CDK14: variants seen among roughly 807,000 people sequenced by gnomAD.
CDK14 encodes cyclin dependent kinase 14.
Under a neutral mutation model 60.7 loss-of-function variants are expected in CDK14, and 34 were observed. That is an observed-to-expected ratio of 0.56 (90% CI 0.43 to 0.75). CDK14 has a LOEUF of 0.75. Ranked by LOEUF, CDK14 falls within the 30% of genes least tolerant of loss-of-function variation. The pLI is 0.00. For missense variants in CDK14, 482 were observed against 564.1 expected (o/e 0.85, Z 1.47); for synonymous variants, 197 against 203.7 (o/e 0.97, Z 0.28).
intron 11 of CDK14, among the ~76,000 whole-genome samples, chr7:91,064,205 A>ATGTTTTTC (rs1562889290): frequency 6.6e-6 from 1 of 152,178 alleles, no homozygotes; most frequent in African/African-American, 2.4e-5. Context: ...GTTCTTATGC[A>ATGTTTTTC]TGTTTTTCGT....
chr7:91,060,659 A>G (rs1397792870), intron 11 of CDK14, among the ~76,000 whole-genome samples: 1 of 152,116 alleles, frequency 6.6e-6, no homozygotes, highest in Non-Finnish European at 1.5e-5. Flanking sequence ...TCACTTATGA[A>G]ACTTAGTTTG....
intron 2 of CDK14, among the ~76,000 whole-genome samples, chr7:90,708,831 T>G (rs1801961476): frequency 6.6e-6 from 1 of 152,178 alleles, no homozygotes; most frequent in Non-Finnish European, 1.5e-5. Context: ...CCTAAGGTAT[T>G]TCTCAGTTGT....
intron 9 of CDK14, among the ~76,000 whole-genome samples, chr7:90,972,966 C>T (rs2109371): frequency 0.091 from 13,916 of 152,140 alleles, 814 homozygotes; most frequent in East Asian, 0.18. Context: ...ATGTGGTTAG[C>T]ATACACATTA....
chr7:90,604,500 G>A (rs1799378464), intron 2 of CDK14, among the ~76,000 whole-genome samples: 1 of 152,214 alleles, frequency 6.6e-6, no homozygotes. Flanking sequence ...AGGCCTTTGT[G>A]TTGTTGCCTT....
intron 14 of CDK14, among the ~76,000 whole-genome samples, chr7:91,166,288 G>A (rs1384747592): frequency 2.0e-5 from 3 of 152,190 alleles, no homozygotes; most frequent in Admixed American, 1.3e-4. Context: ...GGCTCAGTGT[G>A]TCTTCTGTGA....
chr7:91,174,052 T>C (rs934889875), intron 14 of CDK14, among the ~76,000 whole-genome samples: 4 of 152,122 alleles, frequency 2.6e-5, no homozygotes, highest in African/African-American at 9.7e-5. Flanking sequence ...GACTTAAATG[T>C]CCCTGTATGA....
intron 10 of CDK14, among the ~76,000 whole-genome samples, chr7:91,033,123 G>A (rs575472418): frequency 2.0e-5 from 3 of 152,258 alleles, no homozygotes; most frequent in South Asian, 2.1e-4. Flanking sequence ...TAAAAGCATC[G>A]TGGATGAATT....
chr7:90,910,177 C>T (rs1242329282), intron 7 of CDK14, among the ~76,000 whole-genome samples: 1 of 152,140 alleles, frequency 6.6e-6, no homozygotes, highest in Non-Finnish European at 1.5e-5. Flanking sequence ...TTTTATATCT[C>T]TGTATAACCG....
At chr7:90,659,875 C>CTCTCTCTCTGTG (rs1235758434) in intron 2 of CDK14, among the ~76,000 whole-genome samples, 1 of 128,976 alleles carries the variant, frequency 7.8e-6, no homozygotes, top group African/African-American at 3.1e-5. Flanking sequence ...CTCTCTCTCT[C>CTCTCTCTCTGTG]TGTGTGTGTG....
At chr7:90,888,739 C>T (rs1792028445) in intron 6 of CDK14, among the ~76,000 whole-genome samples, 1 of 152,134 alleles carries the variant, frequency 6.6e-6, no homozygotes, top group African/African-American at 2.4e-5. Flanking sequence ...TTGTGTGGCC[C>T]ACTTTGTCAG....
At chr7:90,983,136 A>G (rs976986724) in intron 9 of CDK14, among the ~76,000 whole-genome samples, 1 of 152,248 alleles carries the variant, frequency 6.6e-6, no homozygotes, top group African/African-American at 2.4e-5. Flanking sequence ...CACCATGGAA[A>G]GCAGTTTGGA....
chr7:90,888,890 A>G (rs1299638097), intron 6 of CDK14, among the ~76,000 whole-genome samples: 1 of 152,212 alleles, frequency 6.6e-6, no homozygotes, highest in Non-Finnish European at 1.5e-5. Flanking sequence ...CTCCATGAAC[A>G]TTTGTTATAT....
chr7:91,107,372 T>C (rs932824529), intron 12 of CDK14: 2 of 152,246 alleles, frequency 1.3e-5, no homozygotes, highest in Admixed American at 1.3e-4. Context: ...CTAGTCAGTA[T>C]GACCTTAAAT....
At chr7:91,164,984 G>A (rs546637010) in intron 14 of CDK14, among the ~76,000 whole-genome samples, 6 of 152,280 alleles carry the variant, frequency 3.9e-5, no homozygotes, top group Admixed American at 2.6e-4. Context: ...AGATATTTTT[G>A]TTTAAAAGAC....
intron 10 of CDK14, among the ~76,000 whole-genome samples, chr7:91,029,161 G>C (rs1796685221): frequency 6.6e-6 from 1 of 152,082 alleles, no homozygotes; most frequent in South Asian, 2.1e-4. Context: ...TAGGGGTCCA[G>C]TTTTGTTCCT....
intron 11 of CDK14, among the ~76,000 whole-genome samples, chr7:91,058,633 A>T (rs570090670): frequency 1.1e-3 from 172 of 152,326 alleles, no homozygotes; most frequent in African/African-American, 3.8e-3. Flanking sequence ...AATTTTGTCA[A>T]AGGCTTTTTC....
At chr7:90,709,235 T>C in intron 2 of CDK14, 1 of 359,216 alleles carries the variant, frequency 2.8e-6, no homozygotes, top group Non-Finnish European at 5.0e-6. Context: ...ATGACAAATA[T>C]ATACACGTAG....
Position 90,899,280 on chromosome 7 carries a change from T to C in CDK14, c.640-11T>C. 6.3e-7 allele frequency: 1 copy of C among 1,595,112 alleles called. No individual in the cohort carries two copies. Among genetic ancestry groups the C allele is most frequent in the Non-Finnish European group, 8.5e-7 (1 of 1,171,088 alleles). On this transcript the variant is annotated splice_polypyrimidine_tract_variant and intron_variant, in intron 6 of 14. Transcript: ENST00000380050. ...GAGGGTTATTAATACATTTTTCCTT[T>C]TCTTTTCTAGCACACTGATTTATGT...
intron 4 of CDK14, among the ~76,000 whole-genome samples, chr7:90,781,070 T>C (rs1805297302): frequency 3.9e-5 from 6 of 152,084 alleles, no homozygotes; most frequent in Admixed American, 3.3e-4. Flanking sequence ...ACCTGTTGTT[T>C]CCTGACTTTT....
Sources: allele counts gnomAD v4.1 joint callset (sites outside exome capture counted in the v4.1 genomes callset), GRCh38; gene constraint gnomAD v4.1.1; transcripts MANE v1.5; gene names NCBI Gene and HGNC (gene_info 2026-07-23, HGNC 2026-07-21).